Variants in STK32B observed in about 807,000 individuals in gnomAD.
The protein encoded by STK32B is serine/threonine kinase 32B, also known as serine/threonine-protein kinase 32B.
In STK32B, 43 loss-of-function variants were observed where a neutral mutation model predicts 52.6. The ratio of observed to expected loss-of-function variants is 0.82; its 90% CI spans 0.64 to 1.05. STK32B has a LOEUF of 1.05. STK32B is among the 50% of genes least tolerant of loss of function. The probability of loss-of-function intolerance (pLI) is 0.00; values close to 1 mark genes in which losing one functional copy is unlikely to be tolerated. For missense variants in STK32B, 621 were observed against 534.6 expected, an observed-to-expected ratio of 1.16 and a Z score of -1.59; for synonymous variants, 238 against 204.3, an observed-to-expected ratio of 1.17 and a Z score of -1.41.
intron 3 of STK32B, among the ~76,000 whole-genome samples, chr4:5,304,054 A>G (rs1218305915): frequency 2.6e-5 from 4 of 152,120 alleles, no homozygotes; most frequent in African/African-American, 4.8e-5. Flanking sequence ...TTTTTATACC[A>G]GTACCATGCT....
chr4:5,336,968 C>A (rs938659379), intron 4 of STK32B, among the ~76,000 whole-genome samples: 12 of 152,122 alleles, frequency 7.9e-5, no homozygotes, highest in Admixed American at 7.9e-4. Context: ...TTTTGAATTT[C>A]TTTTGTTTTT....
At chr4:5,184,692 A>AAAAAAAAAAAAAAG in intron 3 of STK32B, among the ~76,000 whole-genome samples, 1 of 138,970 alleles carries the variant, frequency 7.2e-6, no homozygotes, top group Non-Finnish European at 1.5e-5. Flanking sequence ...CTCAAAAAAA[A>AAAAAAAAAAAAAAG]AAAAAGAAGA....
chr4:5,452,351 G>C (rs780744747), intron 7 of STK32B, among the ~76,000 whole-genome samples: 1 of 152,040 alleles, frequency 6.6e-6, no homozygotes, highest in African/African-American at 2.4e-5. Context: ...TGTACAAGGC[G>C]TGGGTGGGCT....
chr4:5,051,239 G>A (rs749163734), upstream of STK32B, among the ~76,000 whole-genome samples: 1 of 152,132 alleles, frequency 6.6e-6, no homozygotes, highest in South Asian at 2.1e-4. Flanking sequence ...TATGAACGAT[G>A]CTTTCTTACT....
rs77878738 is a variant in STK32B at position 5,401,785 on chromosome 4, C to T, written c.472+3541C>T. On this transcript the variant is annotated intron_variant, in intron 5 of 11. Transcript: ENST00000282908. ...TTGATTTTCTATTGGTACAATAAAG[C>T]TGGGTAATGAACCACATAACTTAAA... 7.9e-3 allele frequency among the ~76,000 whole-genome samples: 1,201 copies of T among 152,288 alleles called. 20 individuals carry two copies. The highest frequency in any genetic ancestry group is 0.027 in the African/African-American group (1,119 of 41,548).
At chr4:5,189,631 T>C (rs1721024043) in intron 3 of STK32B, among the ~76,000 whole-genome samples, 1 of 152,190 alleles carries the variant, frequency 6.6e-6, no homozygotes, top group African/African-American at 2.4e-5. Context: ...TGTGCAAGTT[T>C]TTCTGCAGAC....
At chr4:5,364,828 G>T (rs528136604) in intron 4 of STK32B, among the ~76,000 whole-genome samples, 1 of 152,274 alleles carries the variant, frequency 6.6e-6, no homozygotes, top group Non-Finnish European at 1.5e-5. Flanking sequence ...CAGCCTGAAT[G>T]TCTCACTTCT....
intron 7 of STK32B, among the ~76,000 whole-genome samples, chr4:5,451,261 A>T (rs1430743566): frequency 6.6e-6 from 1 of 152,202 alleles, no homozygotes; most frequent in East Asian, 1.9e-4. Flanking sequence ...AAGACATTGA[A>T]GTTCGGTCAC....
At chr4:5,066,502 C>T (rs1445738523) in intron 1 of STK32B, among the ~76,000 whole-genome samples, 1 of 152,180 alleles carries the variant, frequency 6.6e-6, no homozygotes, top group African/African-American at 2.4e-5. Flanking sequence ...TTCCATTGCT[C>T]TCCGGTCAAA....
At chr4:5,462,999 C>T (rs369542015) in intron 9 of STK32B, among the ~76,000 whole-genome samples, 31 of 152,298 alleles carry the variant, frequency 2.0e-4, no homozygotes, top group South Asian at 1.0e-3. Flanking sequence ...TCTCTTCTGC[C>T]GTCTCTGTGA....
intron 1 of STK32B, among the ~76,000 whole-genome samples, chr4:5,098,133 C>T (rs1413635241): frequency 6.6e-6 from 1 of 152,228 alleles, no homozygotes; most frequent in Admixed American, 6.5e-5. Context: ...CCAATTCAGC[C>T]CAAATGCAAG....
chr4:5,317,701 C>G (rs1224807782), intron 3 of STK32B, among the ~76,000 whole-genome samples: 1 of 150,138 alleles, frequency 6.7e-6, no homozygotes, highest in African/African-American at 2.5e-5. Context: ...CAAAGAGCTC[C>G]TATTCTTGTT....
rs554183994 is a variant in STK32B at position 5,248,698 on chromosome 4, T to C, written c.260+80248T>C. Among the ~76,000 whole-genome samples the C allele has an allele frequency of 6.6e-5, 10 of 152,288 alleles. No homozygotes were observed. The East Asian group carries it at 1.9e-3, about 29-fold the overall frequency. ...ACCCAAATGTCCATCAGTGATGGAC[T>C]GGATTAAGAAAATGTGGCACATATA... On this transcript the variant is annotated intron_variant, in intron 3 of 11. Transcript: ENST00000282908.
At position 5,486,391 on chromosome 4, in the gene STK32B, G is replaced by A. The variant is rs181823247; in HGVS notation, c.1107-12554G>A. ...GGGTGTAGGATCCTCCCAGCCAGGCGCGGGATGTAATTGCTGGTGTGCCGT... is the reference window on the plus strand; with the variant it reads ...GGGTGTAGGATCCTCCCAGCCAGGCACGGGATGTAATTGCTGGTGTGCCGT... On this transcript the variant is annotated intron_variant, in intron 11 of 11. Transcript: ENST00000282908. 3.9e-3 allele frequency among the ~76,000 whole-genome samples: 588 copies of A among 152,326 alleles called. 3 individuals are homozygous for A. The highest frequency in any genetic ancestry group is 0.012 in the African/African-American group (490 of 41,578).
At chr4:5,458,246 C>T (rs534638323) in intron 8 of STK32B, among the ~76,000 whole-genome samples, 25 of 152,288 alleles carry the variant, frequency 1.6e-4, no homozygotes, top group Admixed American at 5.2e-4. Flanking sequence ...TTTAAGGCTC[C>T]CTTCACATCC....
chr4:5,426,062 A>G (rs1397230061), intron 6 of STK32B, among the ~76,000 whole-genome samples: 3 of 152,216 alleles, frequency 2.0e-5, no homozygotes, highest in Non-Finnish European at 4.4e-5. Flanking sequence ...CATTATGGAC[A>G]TTTGCATACA....
At chr4:5,283,351 A>G (rs1177543485) in intron 3 of STK32B, among the ~76,000 whole-genome samples, 2 of 152,186 alleles carry the variant, frequency 1.3e-5, no homozygotes, top group Non-Finnish European at 1.5e-5. Flanking sequence ...AAAGAAGGCC[A>G]TGGGAATTAT....
intron 3 of STK32B, among the ~76,000 whole-genome samples, chr4:5,284,206 C>T (rs984367190): frequency 1.6e-4 from 25 of 151,948 alleles, no homozygotes; most frequent in African/African-American, 3.6e-4. Flanking sequence ...TCATGGCACC[C>T]GCAAAGCAAA....
chr4:5,380,758 A>G lies in STK32B; in HGVS notation c.435-17449A>G, dbSNP rs1735887721. Among the ~76,000 whole-genome samples the G allele has an allele frequency of 6.6e-6, 1 of 152,158 alleles. No individual in the cohort carries two copies. The highest frequency in any genetic ancestry group is 1.5e-5 in the Non-Finnish European group (1 of 68,026). On this transcript the variant is annotated intron_variant, in intron 4 of 11. Coordinates refer to ENST00000282908, the MANE Select transcript of STK32B (RefSeq NM_018401.3). The surrounding 1 kb of genome is among the most constrained non-coding windows in gnomAD (Gnocchi z 4.3). ...TTTCTTTTTGCACTGGACTCCACCC[A>G]TTTTGTAGCTGACACTGCTGTTACC...
Sources: allele counts gnomAD v4.1 joint callset (sites outside exome capture counted in the v4.1 genomes callset), GRCh38; gene constraint gnomAD v4.1.1; non-coding constraint Gnocchi (gnomAD v3.1); transcripts MANE v1.5; gene names NCBI Gene and HGNC (gene_info 2026-07-23, HGNC 2026-07-21).